LY86: variants seen among roughly 807,000 people sequenced by gnomAD.
LY86 encodes the protein MD-1, RP105-associated.
Under a neutral mutation model 17.3 loss-of-function variants are expected in LY86, and 20 were observed. That is an observed-to-expected ratio of 1.15 (90% confidence interval 0.81 to 1.68). The LOEUF is 1.68. Among genes scored for constraint, LY86 ranks in the 40% most tolerant of loss-of-function variants. The pLI, the probability that LY86 is intolerant of heterozygous loss-of-function variation, is 0.00. For missense variants in LY86, 200 were observed against 191.9 expected, an observed-to-expected ratio of 1.04 and a Z score of -0.25; for synonymous variants, 74 against 70.6, an observed-to-expected ratio of 1.05 and a Z score of -0.24.
At chr6:6,600,632 A>T (rs1421160134) in intron 1 of LY86, among the ~76,000 whole-genome samples, 12 of 134,598 alleles carry the variant, frequency 8.9e-5, no homozygotes, top group African/African-American at 3.4e-4. Context: ...AAAAAAAGAA[A>T]ATATAGCAGG....
Position 6,588,781 on chromosome 6 carries a change from CCAGCTG to C in LY86, c.51_56del (p.Cys18_Ser19del). 5.0e-6 allele frequency: 8 copies of C among 1,614,186 alleles called. No individual in the cohort carries two copies. The highest frequency in any genetic ancestry group is 6.8e-6 in the Non-Finnish European group (8 of 1,180,020). ...CTCTTCCTCTGGACTCTGATTTTTCCCAGCTGCAGTGGAGGCGGCGGTGGGAAAGCC... is the reference window on the plus strand; with the variant it reads ...CTCTTCCTCTGGACTCTGATTTTTCCCAGTGGAGGCGGCGGTGGGAAAGCC... On this transcript the variant is annotated inframe_deletion, in exon 1 of 5. Coordinates refer to ENST00000230568, the MANE Select transcript of LY86 (RefSeq NM_004271.4).
chr6:6,603,366 T>C (rs1581233910), intron 1 of LY86, among the ~76,000 whole-genome samples: 1 of 26,958 alleles, frequency 3.7e-5, no homozygotes, highest in Non-Finnish European at 9.1e-5. Context: ...CCAAGACAGT[T>C]CACAAAAATT....
intron 3 of LY86, among the ~76,000 whole-genome samples, chr6:6,641,678 C>T (rs1005862134): frequency 6.6e-6 from 1 of 152,246 alleles, no homozygotes; most frequent in African/African-American, 2.4e-5. Flanking sequence ...GCAAACGTAC[C>T]AGCAGCCAGG....
rs2113125243 is a variant in LY86 at position 6,614,459 on chromosome 6, G to T, written c.137-10467G>T. ...CTCCGCCCGAGCACAGAGCTCCCGC[G>T]AGCCTGCAGGCAGCCCAGGACTCCT... On this transcript the variant is annotated intron_variant, in intron 1 of 4. Coordinates refer to ENST00000230568, the MANE Select transcript of LY86 (RefSeq NM_004271.4). Among the ~76,000 whole-genome samples, 3 of 150,530 alleles carry T rather than the reference G, an allele frequency of 2.0e-5. 1 individual carries two copies. In the South Asian group the frequency reaches 6.3e-4, roughly 32 times the overall value.
chr6:6,608,550 T>G (rs920367201), intron 1 of LY86, among the ~76,000 whole-genome samples: 3 of 152,248 alleles, frequency 2.0e-5, no homozygotes, highest in African/African-American at 7.2e-5. Flanking sequence ...CTTTTTTTCT[T>G]TCTCCAGTTT....
chr6:6,590,683 C>G (rs922209129), intron 1 of LY86, among the ~76,000 whole-genome samples: 1 of 152,160 alleles, frequency 6.6e-6, no homozygotes, highest in Non-Finnish European at 1.5e-5. Context: ...ATATCTGCCA[C>G]TTTGGAGGGA....
intron 3 of LY86, among the ~76,000 whole-genome samples, chr6:6,638,765 G>A (rs539085273): frequency 2.7e-5 from 4 of 150,852 alleles, no homozygotes; most frequent in East Asian, 3.9e-4. Context: ...CCATTAACTC[G>A]TCATTTAGCA....
chr6:6,600,561 G>A (rs111626007), intron 1 of LY86, among the ~76,000 whole-genome samples: 9,554 of 122,872 alleles, frequency 0.078, 461 homozygotes, highest in Middle Eastern at 0.27. Flanking sequence ...TTGCACTCCA[G>A]CCTGAGAGAC....
At chr6:6,616,545 T>C (rs3804471) in intron 1 of LY86, among the ~76,000 whole-genome samples, 3,515 of 152,254 alleles carry the variant, frequency 0.023, 106 homozygotes, top group South Asian at 0.11. Flanking sequence ...ACAATTCAAA[T>C]TGCATTTGAG....
At chr6:6,605,587 G>A (rs895026896) in intron 1 of LY86, among the ~76,000 whole-genome samples, 9 of 152,358 alleles carry the variant, frequency 5.9e-5, no homozygotes, top group East Asian at 1.9e-4. Flanking sequence ...CATGACAGCT[G>A]TCATAGTCTC....
intron 1 of LY86, among the ~76,000 whole-genome samples, chr6:6,591,775 T>TG (rs1760537602): frequency 6.6e-6 from 1 of 152,178 alleles, no homozygotes; most frequent in South Asian, 2.1e-4. Flanking sequence ...CCAGAACCCA[T>TG]GCTCTAAAAC....
At chr6:6,624,478 A>G (rs1164413492) in intron 1 of LY86, among the ~76,000 whole-genome samples, 1 of 150,732 alleles carries the variant, frequency 6.6e-6, no homozygotes, top group Admixed American at 6.6e-5. Flanking sequence ...TTTAGAAAAT[A>G]TTTTGAGCCT....
At chr6:6,613,726 A>G (rs1201890067) in intron 1 of LY86, among the ~76,000 whole-genome samples, 4 of 152,244 alleles carry the variant, frequency 2.6e-5, no homozygotes, top group East Asian at 3.8e-4. Flanking sequence ...GGGCTCCTCA[A>G]GCGCGGCCAG....
At chr6:6,600,410 C>A (rs939766004) in intron 1 of LY86, among the ~76,000 whole-genome samples, 8 of 151,664 alleles carry the variant, frequency 5.3e-5, no homozygotes, top group Non-Finnish European at 1.0e-4. Flanking sequence ...TCCAACATGA[C>A]GATACCCTAT....
intron 3 of LY86, among the ~76,000 whole-genome samples, chr6:6,640,486 C>T (rs1011294594): frequency 7.3e-5 from 11 of 151,682 alleles, no homozygotes; most frequent in Admixed American, 7.2e-4. Context: ...ACAGAGGCTG[C>T]GGCAGGGAGG....
intron 4 of LY86, among the ~76,000 whole-genome samples, chr6:6,649,956 C>G (rs1561793961): frequency 6.6e-6 from 1 of 152,144 alleles, no homozygotes; most frequent in Admixed American, 6.5e-5. Context: ...TACAAACCTC[C>G]CACTGAGAGG....
intron 1 of LY86, among the ~76,000 whole-genome samples, chr6:6,611,032 C>A (rs1341801361): frequency 6.6e-6 from 1 of 152,202 alleles, no homozygotes; most frequent in Admixed American, 6.5e-5. Flanking sequence ...TTTCCACTGT[C>A]CTTCCAGGGG....
intron 3 of LY86, among the ~76,000 whole-genome samples, chr6:6,634,802 T>C (rs907526029): frequency 4.6e-5 from 7 of 152,222 alleles, no homozygotes; most frequent in Non-Finnish European, 8.8e-5. Flanking sequence ...TCTGTTTCAA[T>C]GTGCTCCTTT....
intron 1 of LY86, among the ~76,000 whole-genome samples, chr6:6,609,403 C>T (rs1297541428): frequency 2.6e-5 from 4 of 152,260 alleles, no homozygotes; most frequent in East Asian, 1.9e-4. Flanking sequence ...GGTATCCACT[C>T]TGCTTTCTTG....
Sources: allele counts gnomAD v4.1 joint callset (sites outside exome capture counted in the v4.1 genomes callset), GRCh38; gene constraint gnomAD v4.1.1; transcripts MANE v1.5; gene names NCBI Gene and HGNC (gene_info 2026-07-23, HGNC 2026-07-21).